ATAD1: variants seen among roughly 807,000 people sequenced by gnomAD.
ATAD1 encodes the protein ATPase family AAA domain containing 1.
A neutral mutation model predicts 42.7 loss-of-function variants in ATAD1; 18 were observed. The observed-to-expected ratio is 0.42, with a 90% confidence interval of 0.29 to 0.63. ATAD1 has a LOEUF of 0.63. Ranked by LOEUF, ATAD1 falls within the 20% of genes least tolerant of loss-of-function variation. ATAD1 has a pLI of 0.19. For synonymous variants in ATAD1, 132 were observed against 143.1 expected, an observed-to-expected ratio of 0.92 and a Z score of 0.55; for missense variants, 294 against 440.4, an observed-to-expected ratio of 0.67 and a Z score of 2.98.
chr10:87,772,104 A>AT (rs1208200911), intron 6 of ATAD1, among the ~76,000 whole-genome samples: 1 of 152,216 alleles, frequency 6.6e-6, no homozygotes, highest in Non-Finnish European at 1.5e-5. Context: ...CACAAATTTG[A>AT]AAAATGTTAG....
At chr10:87,803,598 C>G (rs762120776) in intron 2 of ATAD1, among the ~76,000 whole-genome samples, 1 of 152,194 alleles carries the variant, frequency 6.6e-6, no homozygotes, top group Non-Finnish European at 1.5e-5. Flanking sequence ...CCAGCTGGAC[C>G]GAACCAATGT....
chr10:87,841,320 A>T (rs1858031251), exon 1 of ATAD1: 1 of 152,188 alleles, frequency 6.6e-6, no homozygotes, highest in African/African-American at 2.4e-5. Flanking sequence ...GGGGGAGATG[A>T]CATCTTCTGA....
intron 2 of ATAD1, among the ~76,000 whole-genome samples, chr10:87,796,932 G>A (rs118081918): frequency 0.012 from 1,878 of 152,282 alleles, 18 homozygotes; most frequent in South Asian, 0.02. Flanking sequence ...TTCCAACAAG[G>A]AAAGCAAGAT....
upstream of ATAD1, among the ~76,000 whole-genome samples, chr10:87,819,582 C>G (rs1386018326): frequency 6.6e-6 from 1 of 152,136 alleles, no homozygotes; most frequent in African/African-American, 2.4e-5. Flanking sequence ...ACATGCATAA[C>G]CTAAATATCT....
intron 1 of ATAD1, among the ~76,000 whole-genome samples, chr10:87,836,327 G>A (rs750729517): frequency 7.9e-5 from 12 of 151,968 alleles, no homozygotes; most frequent in South Asian, 2.1e-4. Flanking sequence ...TGTCATTTCC[G>A]TCTGTCTGAA....
At chr10:87,759,031 C>A (rs927517625) in intron 8 of ATAD1, among the ~76,000 whole-genome samples, 1 of 151,800 alleles carries the variant, frequency 6.6e-6, no homozygotes, top group African/African-American at 2.4e-5. Context: ...CTTGTTTTTT[C>A]ACTTTGTTCA....
intron 2 of ATAD1, among the ~76,000 whole-genome samples, chr10:87,809,296 A>AC (rs1857069406): frequency 1.3e-5 from 2 of 152,172 alleles, no homozygotes; most frequent in Non-Finnish European, 2.9e-5. Flanking sequence ...CTTATCACTA[A>AC]CAGAAACAGT....
At position 87,752,526 on chromosome 10, in the gene ATAD1, A is replaced by T. The variant is rs1488150827; in HGVS notation, c.*2161T>A. On this transcript the variant is annotated 3_prime_UTR_variant, in exon 10 of 10. Coordinates refer to ENST00000680024, the MANE Select transcript of ATAD1 (RefSeq NM_001321967.2). ...CCACTGTTGCCCCATTTTACAGATG[A>T]GAAACTGGGCTCACAGACACACAGT... is the stretch of plus-strand genomic sequence containing the variant. 6.8e-6 allele frequency: 1 copy of T among 148,028 alleles called. No homozygotes were observed. The highest frequency in any genetic ancestry group is 1.5e-5 in the Non-Finnish European group (1 of 66,530). The allele number at this position is 148,028 out of a possible 1,614,324, so 9.2% of individuals were successfully genotyped here. A position where few individuals can be genotyped will look rare whatever the true frequency, so the allele number is the denominator to read the frequency against.
intron 1 of ATAD1, chr10:87,833,113 A>G (rs1219934867): frequency 6.6e-6 from 1 of 152,090 alleles, no homozygotes. Flanking sequence ...AACATAGTAT[A>G]TCTCTCCATT....
At chr10:87,835,895 A>C (rs12775504) in intron 1 of ATAD1, among the ~76,000 whole-genome samples, 29,236 of 152,114 alleles carry the variant, frequency 0.19, 2,952 homozygotes, top group Middle Eastern at 0.27. Flanking sequence ...AATATTTTAT[A>C]ACTTCAAGGG....
rs11202562 is a variant in ATAD1 at position 87,800,620 on chromosome 10, A to T, written c.163-7865T>A. Among the ~76,000 whole-genome samples the T allele has an allele frequency of 2.2e-3, 332 of 152,048 alleles. 2 individuals carry two copies. Among genetic ancestry groups the T allele is most frequent in the African/African-American group, 7.2e-3 (299 of 41,482 alleles). Reference sequence around the variant, plus strand: ...AAAAAAGCTGAAATTAAAAAAAAAAATTTTTAATTAAGGTTATTAACATTC... The same window carrying T: ...AAAAAAGCTGAAATTAAAAAAAAAATTTTTTAATTAAGGTTATTAACATTC... On this transcript the variant is annotated intron_variant, in intron 2 of 9. Coordinates refer to ENST00000680024, the MANE Select transcript of ATAD1 (RefSeq NM_001321967.2).
At chr10:87,780,124 T>C (rs1414319392) in intron 5 of ATAD1, among the ~76,000 whole-genome samples, 5 of 152,298 alleles carry the variant, frequency 3.3e-5, no homozygotes, top group East Asian at 3.9e-4. Context: ...TAGAATATTA[T>C]TTAGCAATAA....
chr10:87,804,473 G>A (rs749223644), intron 2 of ATAD1, among the ~76,000 whole-genome samples: 5 of 151,978 alleles, frequency 3.3e-5, no homozygotes, highest in Non-Finnish European at 5.9e-5. Flanking sequence ...GGGTTCAAGC[G>A]ATTCTCCTGC....
At chr10:87,800,595 A>G (rs925505821) in intron 2 of ATAD1, among the ~76,000 whole-genome samples, 1 of 152,068 alleles carries the variant, frequency 6.6e-6, no homozygotes, top group Non-Finnish European at 1.5e-5. Flanking sequence ...TTGCTTGGGG[A>G]AAAAAGCTGA....
At chr10:87,839,866 C>T (rs557225509) in intron 1 of ATAD1, among the ~76,000 whole-genome samples, 7 of 152,302 alleles carry the variant, frequency 4.6e-5, no homozygotes, top group African/African-American at 1.7e-4. Context: ...AAAAATCTGT[C>T]AACACCTCTC....
chr10:87,817,707 C>T, intron 1 of ATAD1: 1 of 983,458 alleles, frequency 1.0e-6, no homozygotes, highest in Non-Finnish European at 1.2e-6. Flanking sequence ...TTATTAACAT[C>T]ACCATCTTTT....
intron 1 of ATAD1, among the ~76,000 whole-genome samples, chr10:87,823,427 A>T (rs1441321179): frequency 6.6e-6 from 1 of 152,188 alleles, no homozygotes; most frequent in Non-Finnish European, 1.5e-5. Flanking sequence ...GATTGAACAA[A>T]ACCAGAATTG....
In ATAD1 at chr10:87,818,171, G is replaced by A. The variant is rs1396198339; in HGVS notation, c.-18C>T. ...CCACGGGAACCAGCTACTCACCCAG[G>A]GGCAGAAACAGCAAGAGCAAGTGCC... On this transcript the variant is annotated 5_prime_UTR_variant, in exon 1 of 10. Transcript: ENST00000680024. 1.7e-5 allele frequency: 17 copies of A among 985,514 alleles called. No individual in the cohort carries two copies. Among genetic ancestry groups the A allele is most frequent in the Non-Finnish European group, 2.0e-5 (17 of 830,080 alleles). The allele number at this position is 985,514 out of a possible 1,614,324, so 61.0% of individuals were successfully genotyped here. A position where few individuals can be genotyped will look rare whatever the true frequency, so the allele number is the denominator to read the frequency against.
chr10:87,808,483 G>A (rs957718962), intron 2 of ATAD1, among the ~76,000 whole-genome samples: 1 of 152,218 alleles, frequency 6.6e-6, no homozygotes, highest in Non-Finnish European at 1.5e-5. Flanking sequence ...CCGGGAGGCA[G>A]AGGTTGCAGT....
Sources: gnomAD v4.1 joint callset for allele counts (sites outside exome capture counted in the v4.1 genomes callset) on GRCh38, gnomAD v4.1.1 for gene constraint, MANE v1.5 for transcripts, NCBI Gene and HGNC (gene_info 2026-07-23, HGNC 2026-07-21) for gene names.